Variants in ADAT1 observed in about 807,000 individuals in gnomAD.
The protein encoded by ADAT1 is adenosine deaminase tRNA specific 1, also known as tRNA-specific adenosine deaminase 1.
Under a neutral mutation model 58.6 loss-of-function variants are expected in ADAT1, and 58 were observed. The ratio of observed to expected loss-of-function variants is 0.99; its 90% CI spans 0.80 to 1.23. ADAT1 has a LOEUF of 1.23. ADAT1 is among the 50% of genes most tolerant of loss of function. ADAT1 has a pLI of 0.00. For missense variants in ADAT1, 741 were observed against 608.6 expected, an observed-to-expected ratio of 1.22 and a Z score of -2.29; for synonymous variants, 254 against 220.8, an observed-to-expected ratio of 1.15 and a Z score of -1.33.
At position 75,620,816 on chromosome 16, in the gene ADAT1, G is replaced by A; in HGVS notation, c.-17C>T. On this transcript the variant is annotated 5_prime_UTR_variant, in exon 2 of 10. Coordinates refer to ENST00000564657, the MANE Select transcript of ADAT1 (RefSeq NM_001324445.2). ...GGTCCACATGGTCTGAGCTGGTATT[G>A]AGACCTTGATCAAAAACCACAACCA... 6.3e-7 allele frequency: 1 copy of A among 1,598,654 alleles called. No homozygotes were observed. Among genetic ancestry groups the A allele is most frequent in the Non-Finnish European group, 8.6e-7 (1 of 1,168,518 alleles).
intron 6 of ADAT1, among the ~76,000 whole-genome samples, chr16:75,611,499 G>T (rs2081532567): frequency 6.6e-6 from 1 of 151,950 alleles, no homozygotes; most frequent in African/African-American, 2.4e-5. Context: ...TGATCCTCCT[G>T]CCTCAGCTGC....
chr16:75,607,320 A>G (rs1247826006), intron 8 of ADAT1, among the ~76,000 whole-genome samples: 2 of 152,100 alleles, frequency 1.3e-5, no homozygotes, highest in African/African-American at 4.8e-5. Context: ...CCTGGCCAAC[A>G]TGGCGAAACC....
chr16:75,604,710 C>T (rs542424031), intron 8 of ADAT1, among the ~76,000 whole-genome samples: 3 of 151,928 alleles, frequency 2.0e-5, no homozygotes, highest in African/African-American at 7.2e-5. Flanking sequence ...GGGGGACTTG[C>T]TATCACCGCT....
chr16:75,608,576 G>A (rs999566904), intron 7 of ADAT1: 3 of 579,134 alleles, frequency 5.2e-6, no homozygotes, highest in Non-Finnish European at 9.1e-6. Flanking sequence ...GCATTAAACA[G>A]AATTTCTCAC....
At chr16:75,601,215 C>G (rs1377093603) in intron 9 of ADAT1, among the ~76,000 whole-genome samples, 1 of 151,922 alleles carries the variant, frequency 6.6e-6, no homozygotes, top group African/African-American at 2.4e-5. Context: ...TGGCAGGCAC[C>G]TGTAGTCCCA....
chr16:75,602,589 T>A (rs2081261230), intron 9 of ADAT1, among the ~76,000 whole-genome samples: 1 of 152,188 alleles, frequency 6.6e-6, no homozygotes, highest in Non-Finnish European at 1.5e-5. Flanking sequence ...TAGTGGGAAC[T>A]GTGTCCTTCA....
intron 5 of ADAT1, among the ~76,000 whole-genome samples, chr16:75,613,459 G>A (rs62058661): frequency 6.6e-5 from 10 of 152,132 alleles, no homozygotes; most frequent in African/African-American, 2.4e-4. Context: ...ACATCACCAC[G>A]ACTGGCTAAT....
At chr16:75,615,314 C>T (rs751359793) in intron 5 of ADAT1, among the ~76,000 whole-genome samples, 8 of 150,740 alleles carry the variant, frequency 5.3e-5, no homozygotes, top group Non-Finnish European at 1.0e-4. Flanking sequence ...GGACTGTTCT[C>T]ACAGATCAGT....
intron 3 of ADAT1, among the ~76,000 whole-genome samples, chr16:75,619,970 A>C (rs1366711036): frequency 1.3e-5 from 2 of 151,798 alleles, no homozygotes; most frequent in Admixed American, 1.3e-4. Context: ...CCTGCTATAG[A>C]GTCCCAAAGC....
At chr16:75,600,406 C>A in intron 9 of ADAT1, 58 bp from the exon 10 acceptor site, 1 of 1,594,348 alleles carries the variant, frequency 6.3e-7, no homozygotes, top group African/African-American at 1.3e-5. Context: ...ACCCCAGGGG[C>A]CACCAGACAC....
intron 4 of ADAT1, among the ~76,000 whole-genome samples, chr16:75,618,098 CAAAAA>C (rs1163510620): frequency 0.04 from 1,298 of 32,526 alleles, 50 homozygotes; most frequent in African/African-American, 0.1. Context: ...ACCCTGTGTC[CAAAAA>C]AAAAAAAAAA....
At chr16:75,619,569 T>G (rs1438951449) in intron 3 of ADAT1, 12 of 451,824 alleles carry the variant, frequency 2.7e-5, no homozygotes, top group Middle Eastern at 3.3e-4. Context: ...AACCCCCAGA[T>G]CTCTAAGGAA....
At position 75,620,833 on chromosome 16, in the gene ADAT1, C is replaced by T; in HGVS notation, c.-21-13G>A. Reference sequence around the variant, plus strand: ...CTGGTATTGAGACCTTGATCAAAAACCACAACCATCAGAAGTACGGAAAGG... The same window carrying T: ...CTGGTATTGAGACCTTGATCAAAAATCACAACCATCAGAAGTACGGAAAGG... On this transcript the variant is annotated splice_polypyrimidine_tract_variant and intron_variant, in intron 1 of 9. Transcript: ENST00000564657. The T allele has an allele frequency of 1.9e-6, 3 of 1,591,754 alleles. No homozygotes were observed. Among genetic ancestry groups the T allele is most frequent in the South Asian group, 1.1e-5 (1 of 89,674 alleles).
rs1351468548 is a variant in ADAT1 at position 75,608,908 on chromosome 16, T to C, written c.1124A>G (p.Gln375Arg). Residue 375 changes from glutamine to arginine, a missense_variant, in exon 7 of 10, where the codon CAG becomes CGG. Gln to Arg is a conservative substitution (Grantham distance 43). Coordinates refer to ENST00000564657, the MANE Select transcript of ADAT1 (RefSeq NM_001324445.2). ...TTTTGCCTGCACCGCACTGCGGCTC[T>C]GTTCAAATAGTAAATCTGACTGCAG... ...KILQSDLLFEQSRSAVQAKRA... is the reference protein window; with the variant it reads ...KILQSDLLFERSRSAVQAKRA... 1 of 1,614,260 alleles carries C rather than the reference T, an allele frequency of 6.2e-7. No individual in the cohort carries two copies. The highest frequency in any genetic ancestry group is 8.5e-7 in the Non-Finnish European group (1 of 1,180,038).
chr16:75,604,134 T>C (rs531512640), intron 8 of ADAT1, among the ~76,000 whole-genome samples: 2 of 151,712 alleles, frequency 1.3e-5, no homozygotes, highest in African/African-American at 4.8e-5. Context: ...AGAAGAACAA[T>C]GTAATTAGGG....
At chr16:75,605,309 G>A (rs75746770) in intron 8 of ADAT1, among the ~76,000 whole-genome samples, 6 of 151,996 alleles carry the variant, frequency 3.9e-5, no homozygotes, top group African/African-American at 1.4e-4. Flanking sequence ...CACTGGTCTT[G>A]AACTCCTGAC....
chr16:75,598,974 G>A lies in ADAT1; in HGVS notation c.*1242C>T, dbSNP rs1397318662. On this transcript the variant is annotated 3_prime_UTR_variant, in exon 10 of 10. Coordinates refer to ENST00000564657, the MANE Select transcript of ADAT1 (RefSeq NM_001324445.2). Reference sequence around the variant, plus strand: ...CCCAACATGGGAGCTTCCATTTTCAGTCAATCATTCAAGGTCTGAAGTTGA... The same window carrying A: ...CCCAACATGGGAGCTTCCATTTTCAATCAATCATTCAAGGTCTGAAGTTGA... 1.3e-5 allele frequency: 13 copies of A among 984,592 alleles called. No homozygotes were observed. The highest frequency in any genetic ancestry group is 1.6e-5 in the Non-Finnish European group (13 of 829,854). 61.0% of individuals were successfully genotyped at this position (984,592 alleles called of 1,614,324 possible). A position where few individuals can be genotyped will look rare whatever the true frequency, so the allele number is the denominator to read the frequency against.
rs1433327713 is a variant in ADAT1 at position 75,612,782 on chromosome 16, G to C, written c.504C>G (p.Asn168Lys). 3 of 1,614,076 alleles carry C rather than the reference G, an allele frequency of 1.9e-6. No homozygotes were observed. The highest frequency in any genetic ancestry group is 4.5e-5 in the East Asian group (2 of 44,878). Reference sequence around the variant, plus strand: ...GGTTACTACTGGCTTCTACTGATGAGTTGTGGGCCCAATTTCTGAAGACAG... The same window carrying C: ...GGTTACTACTGGCTTCTACTGATGACTTGTGGGCCCAATTTCTGAAGACAG... ...CCPVFRNWAH[N>K]SSVEASSNLE... is the part of the protein sequence containing the mutation. Residue 168 changes from asparagine to lysine, a missense_variant, in exon 6 of 10, where the codon AAC becomes AAG. Physicochemically the swap from Asn to Lys is moderately conservative, Grantham distance 94. Coordinates refer to ENST00000564657, the MANE Select transcript of ADAT1 (RefSeq NM_001324445.2).
chr16:75,620,518 T>A, intron 2 of ADAT1, 113 bp downstream of exon 2: 1 of 1,434,790 alleles, frequency 7.0e-7, no homozygotes. Flanking sequence ...GACAAGCACA[T>A]ATGCCTAACA....
Sources: allele counts gnomAD v4.1 joint callset (sites outside exome capture counted in the v4.1 genomes callset), GRCh38; gene constraint gnomAD v4.1.1; transcripts MANE v1.5; gene names NCBI Gene and HGNC (gene_info 2026-07-23, HGNC 2026-07-21).